The following AFG1L variants were observed in gnomAD, a reference collection of about 807,000 sequenced individuals.
The protein encoded by AFG1L is AFG1-like ATPase.
A neutral mutation model predicts 62.2 loss-of-function variants in AFG1L; 53 were observed. That is an observed-to-expected ratio of 0.85 (90% CI 0.68 to 1.07). The LOEUF (loss-of-function observed/expected upper bound fraction) is 1.07. Ranked by LOEUF, AFG1L falls within the 50% of genes least tolerant of loss-of-function variation. AFG1L has a pLI of 0.00. For synonymous variants in AFG1L, 228 were observed against 210.3 expected, an observed-to-expected ratio of 1.08 and a Z score of -0.73; for missense variants, 555 against 590.5, an observed-to-expected ratio of 0.94 and a Z score of 0.62.
chr6:108,511,097 A>G lies in AFG1L; in HGVS notation c.1203+745A>G, dbSNP rs558380385. Among the ~76,000 whole-genome samples, 3 of 151,404 alleles carry G rather than the reference A, an allele frequency of 2.0e-5. No individual in the cohort carries two copies. In the East Asian group the frequency reaches 5.8e-4, roughly 29 times the overall value. On this transcript the variant is annotated intron_variant, in intron 11 of 12. Coordinates refer to ENST00000368977, the MANE Select transcript of AFG1L (RefSeq NM_145315.5). ...AGTGAGGCCCTATCTCTCAAAAAAA[A>G]AAAAAAAGAAGAAGAAGAAGAAGTA...
chr6:108,400,724 T>G (rs57725758), intron 6 of AFG1L, among the ~76,000 whole-genome samples: 1 of 123,498 alleles, frequency 8.1e-6, no homozygotes, highest in Non-Finnish European at 1.6e-5. Flanking sequence ...TAATATATAT[T>G]ATATATAATA....
intron 2 of AFG1L, among the ~76,000 whole-genome samples, chr6:108,330,179 T>A (rs72936756): frequency 0.16 from 13,149 of 80,980 alleles, 795 homozygotes; most frequent in South Asian, 0.29. Context: ...AAATTCCTTT[T>A]TTATTTTTTT....
intron 7 of AFG1L, among the ~76,000 whole-genome samples, chr6:108,422,731 T>G (rs1318853803): frequency 6.6e-6 from 1 of 151,956 alleles, no homozygotes; most frequent in Non-Finnish European, 1.5e-5. Flanking sequence ...AATATTATTC[T>G]TTTAACGTAT....
chr6:108,465,739 A>G (rs973780308), intron 8 of AFG1L, among the ~76,000 whole-genome samples: 3 of 150,850 alleles, frequency 2.0e-5, no homozygotes, highest in Non-Finnish European at 2.9e-5. Context: ...AAGTGAAGAT[A>G]TCTTGAAGCA....
At chr6:108,409,499 G>A (rs760977394) in intron 7 of AFG1L, among the ~76,000 whole-genome samples, 9 of 152,102 alleles carry the variant, frequency 5.9e-5, no homozygotes, top group Non-Finnish European at 1.0e-4. Context: ...GTAAAAGCAC[G>A]TGATAGATAT....
chr6:108,509,533 C>T (rs192913003), intron 10 of AFG1L, among the ~76,000 whole-genome samples: 5 of 152,214 alleles, frequency 3.3e-5, no homozygotes, highest in Admixed American at 3.3e-4. Flanking sequence ...AGTTGAGTCA[C>T]GGGAAGGGTT....
chr6:108,301,386 C>A (rs1222881961), intron 1 of AFG1L, among the ~76,000 whole-genome samples: 1 of 152,160 alleles, frequency 6.6e-6, no homozygotes, highest in East Asian at 1.9e-4. Context: ...TCCCCCCACT[C>A]CCTTTTACAA....
intron 6 of AFG1L, among the ~76,000 whole-genome samples, chr6:108,398,295 A>C (rs1044970485): frequency 2.0e-5 from 3 of 152,066 alleles, no homozygotes; most frequent in African/African-American, 7.2e-5. Context: ...TCTTTTAATC[A>C]GATTTATTAG....
chr6:108,316,009 T>C (rs1277193702), intron 1 of AFG1L, among the ~76,000 whole-genome samples: 1 of 152,044 alleles, frequency 6.6e-6, no homozygotes, highest in Non-Finnish European at 1.5e-5. Context: ...ATCATGCCAC[T>C]GCACTCCAGC....
chr6:108,382,475 C>T (rs1562122312), intron 6 of AFG1L, among the ~76,000 whole-genome samples: 1 of 152,064 alleles, frequency 6.6e-6, no homozygotes, highest in Non-Finnish European at 1.5e-5. Flanking sequence ...TGGGTATGCA[C>T]GTACACACAC....
chr6:108,423,905 A>G (rs543241565), intron 7 of AFG1L, among the ~76,000 whole-genome samples: 1 of 152,234 alleles, frequency 6.6e-6, no homozygotes, highest in South Asian at 2.1e-4. Flanking sequence ...GATAGGATTC[A>G]TGTATTATAA....
intron 1 of AFG1L, among the ~76,000 whole-genome samples, chr6:108,297,250 G>A (rs921236642): frequency 2.0e-5 from 3 of 151,996 alleles, no homozygotes; most frequent in African/African-American, 7.2e-5. Flanking sequence ...TGAGATCACA[G>A]GCACCCACCA....
At chr6:108,322,798 G>A (rs1444753637) in intron 1 of AFG1L, among the ~76,000 whole-genome samples, 1 of 152,206 alleles carries the variant, frequency 6.6e-6, no homozygotes, top group Non-Finnish European at 1.5e-5. Flanking sequence ...TCTGAAAAAT[G>A]TGCCAGGTTG....
intron 1 of AFG1L, among the ~76,000 whole-genome samples, chr6:108,304,158 A>T (rs1239225164): frequency 6.6e-6 from 1 of 152,184 alleles, no homozygotes; most frequent in African/African-American, 2.4e-5. Context: ...CCCCTAACTA[A>T]GCCTTTTATA....
chr6:108,429,486 C>T (rs553743804), intron 7 of AFG1L, among the ~76,000 whole-genome samples: 41 of 152,308 alleles, frequency 2.7e-4, no homozygotes, highest in African/African-American at 9.4e-4. Context: ...CAGGTCCTTT[C>T]CACACGTGGG....
At chr6:108,499,766 CAA>C (rs1006319233) in intron 10 of AFG1L, among the ~76,000 whole-genome samples, 1 of 151,516 alleles carries the variant, frequency 6.6e-6, no homozygotes, top group Non-Finnish European at 1.5e-5. Context: ...CCATCACCCC[CAA>C]AAAAACCTGA....
intron 1 of AFG1L, among the ~76,000 whole-genome samples, chr6:108,323,402 C>G (rs947382549): frequency 2.0e-5 from 3 of 151,876 alleles, no homozygotes; most frequent in Non-Finnish European, 4.4e-5. Flanking sequence ...GTCACTCTGT[C>G]ACCCAGGCTG....
rs1473503343 is a variant in AFG1L, at chr6:108,496,046, G to A, written c.1063-14166G>A. On this transcript the variant is annotated intron_variant, in intron 10 of 12. Transcript: ENST00000368977. The stretch of plus-strand genomic sequence containing the variant: ...CTGAAGTGCCATTTAGTACTCAAAA[G>A]TAATCATATGCTTTAATTATTCATA... 2.0e-5 allele frequency among the ~76,000 whole-genome samples: 3 copies of A among 152,178 alleles called. No individual in the cohort carries two copies. In the East Asian group the frequency reaches 5.8e-4, roughly 29 times the overall value.
In AFG1L at chr6:108,522,367, G is replaced by T. The variant is rs777777216; in HGVS notation, c.1388G>T (p.Arg463Leu). The T allele has an allele frequency of 6.2e-7, 1 of 1,613,916 alleles. No individual in the cohort carries two copies. The highest frequency in any genetic ancestry group is 8.5e-7 in the Non-Finnish European group (1 of 1,179,912). Reference sequence around the variant, plus strand: ...TTTGCATTTCAGCGCACAATTTCCCGACTCACGGAAATGCAGACTGAACAG... The same window carrying T: ...TTTGCATTTCAGCGCACAATTTCCCTACTCACGGAAATGCAGACTGAACAG... ...EIFAFQRTIS[R>L]LTEMQTEQYW... The change falls in exon 13 of 13, where the codon CGA (arginine) becomes CTA (leucine). Residue 463 changes from arginine (R) to leucine (L), a missense_variant. Coordinates refer to ENST00000368977, the MANE Select transcript of AFG1L (RefSeq NM_145315.5).
Sources: allele counts gnomAD v4.1 joint callset (sites outside exome capture counted in the v4.1 genomes callset), GRCh38; gene constraint gnomAD v4.1.1; transcripts MANE v1.5; gene names NCBI Gene and HGNC (gene_info 2026-07-23, HGNC 2026-07-21).